Variants in LATS2 observed in about 807,000 individuals in gnomAD.
LATS2 encodes large tumor suppressor kinase 2.
A neutral mutation model predicts 76.0 loss-of-function variants in LATS2; 24 were observed. The ratio of observed to expected loss-of-function variants is 0.32; its 90% confidence interval spans 0.23 to 0.44. The LOEUF (loss-of-function observed/expected upper bound fraction) is 0.44. LATS2 is among the 20% of genes least tolerant of loss of function. LATS2 has a pLI of 1.00. For missense variants in LATS2, 1,286 were observed against 1,481.2 expected (o/e 0.87, Z 2.16); for synonymous variants, 692 against 635.4 (o/e 1.09, Z -1.34).
At chr13:21,007,531 G>GAGATATATAT (rs1555225382) in intron 2 of LATS2, among the ~76,000 whole-genome samples, 156 of 15,486 alleles carry the variant, frequency 0.01, 24 homozygotes, top group African/African-American at 0.058. Context: ...GTAGGGGATG[G>GAGATATATAT]ATATATATAT....
intron 1 of LATS2, among the ~76,000 whole-genome samples, chr13:21,061,118 C>A (rs1284135007): frequency 1.3e-5 from 2 of 151,796 alleles, no homozygotes; most frequent in African/African-American, 4.8e-5. Context: ...GGGCTCCGTA[C>A]GGCCTGGACT....
At chr13:21,039,123 A>C (rs1336741543) in intron 2 of LATS2, among the ~76,000 whole-genome samples, 1 of 152,202 alleles carries the variant, frequency 6.6e-6, no homozygotes, top group Non-Finnish European at 1.5e-5. Context: ...GAAGAGCCAA[A>C]TTTAATTTGA....
intron 6 of LATS2, among the ~76,000 whole-genome samples, chr13:20,980,564 T>G (rs1869825628): frequency 6.6e-6 from 1 of 152,180 alleles, no homozygotes; most frequent in Admixed American, 6.5e-5. Flanking sequence ...CCGTCCCACC[T>G]CTTCCTGTCC....
rs1595255683 is a variant in LATS2 at position 21,046,067 on chromosome 13, A to G, written c.-41T>C. On this transcript the variant is annotated 5_prime_UTR_variant, in exon 2 of 8. Transcript: ENST00000382592. Reference sequence around the variant, plus strand: ...CTTTTACCATAAATACAATCTTCTTAAAGTGTTTTATTATTTAAAAAAAAA... The same window carrying G: ...CTTTTACCATAAATACAATCTTCTTGAAGTGTTTTATTATTTAAAAAAAAA... 1 of 1,372,544 alleles carries G rather than the reference A, an allele frequency of 7.3e-7. No homozygotes were observed. The highest frequency in any genetic ancestry group is 2.3e-5 in the East Asian group (1 of 42,670). 85.0% of individuals were successfully genotyped at this position (1,372,544 alleles called of 1,614,324 possible). A position where few individuals can be genotyped will look rare whatever the true frequency, so the allele number is the denominator to read the frequency against.
chr13:20,979,376 G>C lies in LATS2; in HGVS notation c.2772+315C>G, dbSNP rs183588306. Reference sequence around the variant, plus strand: ...CTGCAGGGCAGGTGTGGGTGGGGGAGACAGTGGATCAGCAGCACACCTTTG... The same window carrying C: ...CTGCAGGGCAGGTGTGGGTGGGGGACACAGTGGATCAGCAGCACACCTTTG... On this transcript the variant is annotated intron_variant, in intron 7 of 7. Coordinates refer to ENST00000382592, the MANE Select transcript of LATS2 (RefSeq NM_014572.3). Among the ~76,000 whole-genome samples the C allele has an allele frequency of 1.2e-4, 19 of 152,190 alleles. No individual in the cohort carries two copies. In the East Asian group the frequency reaches 2.1e-3, roughly 17 times the overall value.
At chr13:21,045,278 GA>G (rs1322205434) in intron 2 of LATS2, among the ~76,000 whole-genome samples, 10 of 148,110 alleles carry the variant, frequency 6.8e-5, no homozygotes, top group Middle Eastern at 3.4e-3. Flanking sequence ...CCATTTCTAG[GA>G]AAAAAAAAAT....
At chr13:21,049,418 G>A (rs1873184856) in intron 1 of LATS2, among the ~76,000 whole-genome samples, 1 of 152,220 alleles carries the variant, frequency 6.6e-6, no homozygotes, top group Non-Finnish European at 1.5e-5. Context: ...CACAGATGGG[G>A]GATGGTGGGG....
chr13:21,003,670 G>T (rs1169741791), intron 2 of LATS2, among the ~76,000 whole-genome samples: 1 of 152,076 alleles, frequency 6.6e-6, no homozygotes, highest in South Asian at 2.1e-4. Context: ...TTGATCTCCT[G>T]ATCTCAAGTG....
intron 2 of LATS2, among the ~76,000 whole-genome samples, chr13:21,002,186 T>C (rs1453670134): frequency 6.6e-6 from 1 of 151,974 alleles, no homozygotes; most frequent in East Asian, 2.0e-4. Flanking sequence ...GTGCTGGGAT[T>C]ACACGTGTGA....
At chr13:20,992,805 G>A (rs1260533454) in intron 2 of LATS2, among the ~76,000 whole-genome samples, 1 of 152,112 alleles carries the variant, frequency 6.6e-6, no homozygotes, top group Non-Finnish European at 1.5e-5. Context: ...GGGAGGCCGA[G>A]GCAGGTGGAT....
chr13:20,988,360 CG>C lies in LATS2; in HGVS notation c.1419del (p.Ala474ProfsTer185). On this transcript the variant is annotated frameshift_variant, in exon 4 of 8. Transcript: ENST00000382592. LOFTEE classifies it high-confidence loss of function. ...PAWVPAPAPA[P>X]APAPAPAAEG... ...TCCGCAGCCGGGGCGGGGGCGGGGG[CG>C]GGGGCCGGGGCAGGCGCGGGCACCC... The C allele has an allele frequency of 7.5e-7, 1 of 1,330,546 alleles. No individual in the cohort carries two copies. Among genetic ancestry groups the C allele is most frequent in the Non-Finnish European group, 9.6e-7 (1 of 1,038,252 alleles). The allele number at this position is 1,330,546 out of a possible 1,614,324, so 82.4% of individuals were successfully genotyped here.
chr13:21,035,918 G>A (rs879567055), intron 2 of LATS2, among the ~76,000 whole-genome samples: 8 of 152,024 alleles, frequency 5.3e-5, no homozygotes, highest in Non-Finnish European at 1.2e-4. Context: ...TTTTTTCGGG[G>A]AACAGAGTCT....
chr13:21,010,138 C>T (rs906176220), intron 2 of LATS2, among the ~76,000 whole-genome samples: 5 of 151,824 alleles, frequency 3.3e-5, no homozygotes, highest in South Asian at 2.1e-4. Context: ...AGGCAGAGGT[C>T]GCAGTGAGCC....
intron 2 of LATS2, among the ~76,000 whole-genome samples, chr13:21,023,510 CG>C (rs1460509064): frequency 6.6e-6 from 1 of 151,870 alleles, no homozygotes; most frequent in Non-Finnish European, 1.5e-5. Context: ...GTTCTCGAGG[CG>C]GGGCCAGGAC....
At chr13:21,037,455 G>GA (rs758685795) in intron 2 of LATS2, among the ~76,000 whole-genome samples, 5 of 147,618 alleles carry the variant, frequency 3.4e-5, no homozygotes, top group African/African-American at 5.2e-5. Flanking sequence ...TCAATGGAAT[G>GA]AAAATGTTTA....
intron 2 of LATS2, among the ~76,000 whole-genome samples, chr13:20,998,701 G>T (rs936027402): frequency 6.6e-6 from 1 of 152,212 alleles, no homozygotes; most frequent in African/African-American, 2.4e-5. Flanking sequence ...CGGCGCTCCC[G>T]GCGATCTTGG....
intron 1 of LATS2, among the ~76,000 whole-genome samples, chr13:21,050,714 C>T (rs1221853497): frequency 3.3e-5 from 5 of 152,252 alleles, no homozygotes; most frequent in African/African-American, 1.2e-4. Context: ...GGAGCTGCAG[C>T]GTGGGTGCTC....
chr13:20,996,107 T>G (rs1199734), intron 2 of LATS2, among the ~76,000 whole-genome samples: 107,954 of 152,066 alleles, frequency 0.71, 39,454 homozygotes, highest in Middle Eastern at 0.83. Flanking sequence ...TCTAGACAGA[T>G]CTCAATGCTG....
chr13:21,056,493 T>C (rs1003438145), intron 1 of LATS2, among the ~76,000 whole-genome samples: 4 of 152,226 alleles, frequency 2.6e-5, no homozygotes, highest in Non-Finnish European at 2.9e-5. Context: ...ACTCAAGATA[T>C]CACAACAGAG....
Sources: allele counts gnomAD v4.1 joint callset (sites outside exome capture counted in the v4.1 genomes callset), GRCh38; gene constraint gnomAD v4.1.1; transcripts MANE v1.5; gene names NCBI Gene and HGNC (gene_info 2026-07-23, HGNC 2026-07-21).